The following IAH1 variants were observed in gnomAD, a reference collection of about 807,000 sequenced individuals.
IAH1 encodes isoamyl acetate hydrolyzing esterase 1 (putative).
IAH1 carries 24 observed loss-of-function variants against 26.7 expected under a neutral mutation model. That is an observed-to-expected ratio of 0.90 (90% CI 0.65 to 1.26). The LOEUF (loss-of-function observed/expected upper bound fraction) is 1.26, where lower values mean the gene tolerates loss of function less well. Among genes scored for constraint, IAH1 ranks in the 50% most tolerant of loss-of-function variants. The pLI, the probability that IAH1 is intolerant of heterozygous loss-of-function variation, is 0.00. For missense variants in IAH1, 300 were observed against 299.9 expected (o/e 1.00, Z 0.00); for synonymous variants, 140 against 118.5 (o/e 1.18, Z -1.18).
chr2:9,494,415 T>C (rs1662397510), downstream of IAH1, among the ~76,000 whole-genome samples: 2 of 152,122 alleles, frequency 1.3e-5, no homozygotes, highest in Non-Finnish European at 2.9e-5. Flanking sequence ...CCAGTCCTTC[T>C]CAGTCTCTGG....
chr2:9,510,213 A>G, the IAH1 span: 2 of 1,393,898 alleles, frequency 1.4e-6, no homozygotes, highest in Non-Finnish European at 2.0e-6. Context: ...TGCTGTCTTA[A>G]ATAGAGCCTT....
At chr2:9,510,500 C>A in the IAH1 span, among the ~76,000 whole-genome samples, 1 of 152,088 alleles carries the variant, frequency 6.6e-6, no homozygotes, top group African/African-American at 2.4e-5. Context: ...CCTGTCTCTA[C>A]TAAAAATACA....
In IAH1 at chr2:9,475,329, T is replaced by C. The variant is rs183263259; in HGVS notation, c.82-658T>C. Reference sequence around the variant, plus strand: ...TACGCCAGTAACTGGTAACATTATGTTTAGGCATATGGGGCAGTCAGAGCT... The same window carrying C: ...TACGCCAGTAACTGGTAACATTATGCTTAGGCATATGGGGCAGTCAGAGCT... On this transcript the variant is annotated intron_variant, in intron 1 of 5. Transcript: ENST00000497473. The C allele has an allele frequency of 6.7e-4, 418 of 623,742 alleles. 3 individuals carry two copies. In the African/African-American group the frequency reaches 6.8e-3, roughly 10 times the overall value. 38.6% of individuals were successfully genotyped at this position (623,742 alleles called of 1,614,324 possible). A position where few individuals can be genotyped will look rare whatever the true frequency, so the allele number is the denominator to read the frequency against.
At chr2:9,490,105 G>T, downstream of IAH1, 1 of 1,327,800 alleles carries the variant, frequency 7.5e-7, no homozygotes, top group Non-Finnish European at 1.0e-6. Flanking sequence ...CAAAATACAA[G>T]CTGTGATTGA....
intron 2 of IAH1, among the ~76,000 whole-genome samples, chr2:9,476,683 A>T (rs1660812076): frequency 6.6e-6 from 1 of 152,202 alleles, no homozygotes; most frequent in South Asian, 2.1e-4. Context: ...GGGGGTCACA[A>T]GGTGCTCTGT....
intron 4 of IAH1, 99 bp downstream of exon 4, chr2:9,481,546 A>T: frequency 8.8e-7 from 1 of 1,138,790 alleles, no homozygotes; most frequent in Non-Finnish European, 1.3e-6. Context: ...TCTGTTTCTT[A>T]GGGGCTCGGT....
the IAH1 span, among the ~76,000 whole-genome samples, chr2:9,504,763 G>GAAA: frequency 1.7e-5 from 2 of 117,790 alleles, no homozygotes; most frequent in South Asian, 5.5e-4. Context: ...TCTGTCTCAG[G>GAAA]AAAAAAAAAA....
At position 9,478,213 on chromosome 2, in the gene IAH1, T is replaced by C. The variant is rs1231306498; in HGVS notation, c.135-9T>C. On this transcript the variant is annotated splice_polypyrimidine_tract_variant and intron_variant, in intron 2 of 5. Transcript: ENST00000497473. ...CCACAATTCATCTTTTTAAAATTTT[T>C]CGTTTCAGAAAATGTGATGTTCTGA... 2 of 1,589,528 alleles carry C rather than the reference T, an allele frequency of 1.3e-6. No individual in the cohort carries two copies. The highest frequency in any genetic ancestry group is 1.1e-5 in the South Asian group (1 of 87,502).
chr2:9,489,290 G>C lies in IAH1; in HGVS notation c.*961G>C, dbSNP rs1243364152. On this transcript the variant is annotated 3_prime_UTR_variant, in exon 6 of 6. Coordinates refer to ENST00000497473, the MANE Select transcript of IAH1 (RefSeq NM_001039613.3). ...TTTTTTTTTTTTTTTTTTTGAGGCA[G>C]AGTCTCACTCTGTCACCCAGGCTGG... 1 of 115,742 alleles carries C rather than the reference G, an allele frequency of 8.6e-6. No homozygotes were observed. The highest frequency in any genetic ancestry group is 8.7e-5 in the Admixed American group (1 of 11,558). The allele number at this position is 115,742 out of a possible 1,614,324, so 7.2% of individuals were successfully genotyped here.
chr2:9,474,963 C>T lies in IAH1; in HGVS notation c.81+316C>T, dbSNP rs1682392287. 1 of 1,069,916 alleles carries T rather than the reference C, an allele frequency of 9.3e-7. No homozygotes were observed. The highest frequency in any genetic ancestry group is 1.2e-6 in the Non-Finnish European group (1 of 868,032). The allele number at this position is 1,069,916 out of a possible 1,614,324, so 66.3% of individuals were successfully genotyped here. A position where few individuals can be genotyped will look rare whatever the true frequency, so the allele number is the denominator to read the frequency against. Reference sequence around the variant, plus strand: ...TGCGCGGTCTTCCCCTCAGCGCCCTCCTGGGCAGCGGCCTTTCCCCTCCGG... The same window carrying T: ...TGCGCGGTCTTCCCCTCAGCGCCCTTCTGGGCAGCGGCCTTTCCCCTCCGG... On this transcript the variant is annotated intron_variant, in intron 1 of 5. Coordinates refer to ENST00000497473, the MANE Select transcript of IAH1 (RefSeq NM_001039613.3). This position sits in a 1 kb window ranked among gnomAD's most constrained non-coding sequence, Gnocchi z 4.3.
intron 3 of IAH1, among the ~76,000 whole-genome samples, chr2:9,479,777 G>A (rs549992705): frequency 5.8e-4 from 84 of 145,122 alleles, no homozygotes; most frequent in Non-Finnish European, 8.9e-4. Flanking sequence ...ATGTGTGTGC[G>A]GAGATTTCTG....
downstream of IAH1, among the ~76,000 whole-genome samples, chr2:9,493,991 T>C (rs1361713969): frequency 1.3e-5 from 2 of 152,304 alleles, no homozygotes; most frequent in Non-Finnish European, 2.9e-5. Context: ...CCCAAGAAAG[T>C]AGAACATCTG....
rs187368727 is a variant in IAH1 at position 9,484,271 on chromosome 2, C to T, written c.446-161C>T. 2.6e-5 allele frequency among the ~76,000 whole-genome samples: 4 copies of T among 152,336 alleles called. No homozygotes were observed. In the East Asian group the frequency reaches 7.7e-4, roughly 29 times the overall value. On this transcript the variant is annotated intron_variant, in intron 4 of 5. Transcript: ENST00000497473. ...GCTGGGTAGAGCAGCACACCAGTAA[C>T]CTGCAAGGCTCATCAACATATACCC...
the IAH1 span, among the ~76,000 whole-genome samples, chr2:9,509,213 G>C: frequency 4.3e-4 from 66 of 152,110 alleles, no homozygotes; most frequent in African/African-American, 1.6e-3. Flanking sequence ...TCTCCCCACC[G>C]ACCCTCTTTA....
Position 9,476,007 on chromosome 2 carries a change from A to G in IAH1, c.102A>G (p.Gly34=). Residue 34 remains glycine (G), a synonymous_variant, in exon 2 of 6, where the codon GGA becomes GGG. Transcript: ENST00000497473. The part of the protein sequence containing the change: ...SITQFSFQQG[G]WGASLADRLV... ...TCCAGTTTTCCTTCCAGCAGGGTGG[A>G]TGGGGAGCATCGCTGGCTGACAGGC... The G allele has an allele frequency of 6.2e-7, 1 of 1,613,750 alleles. No homozygotes were observed. Among genetic ancestry groups the G allele is most frequent in the East Asian group, 2.2e-5 (1 of 44,882 alleles).
At chr2:9,492,977 A>G (rs756429621), downstream of IAH1, 33 of 1,610,368 alleles carry the variant, frequency 2.0e-5, no homozygotes, top group Middle Eastern at 1.7e-4. Context: ...GTTGTCTGCT[A>G]AAAACTTTCC....
chr2:9,493,842 T>C, downstream of IAH1: 2 of 1,599,618 alleles, frequency 1.3e-6, no homozygotes, highest in Non-Finnish European at 1.7e-6. Context: ...AGAAAAAACA[T>C]ACATACAGCA....
downstream of IAH1, among the ~76,000 whole-genome samples, chr2:9,490,769 C>CTAA (rs1662068877): frequency 6.6e-6 from 1 of 152,174 alleles, no homozygotes; most frequent in Non-Finnish European, 1.5e-5. Flanking sequence ...AACTTACTTA[C>CTAA]CATTTGAAGA....
At chr2:9,501,844 T>A in the IAH1 span, among the ~76,000 whole-genome samples, 2 of 152,130 alleles carry the variant, frequency 1.3e-5, no homozygotes, top group Non-Finnish European at 2.9e-5. Context: ...TAAGGTAGAA[T>A]ATCATTTTGG....
Sources: gnomAD v4.1 joint callset for allele counts (sites outside exome capture counted in the v4.1 genomes callset) on GRCh38, gnomAD v4.1.1 for gene constraint, Gnocchi (gnomAD v3.1) non-coding constraint, MANE v1.5 for transcripts, NCBI Gene and HGNC (gene_info 2026-07-23, HGNC 2026-07-21) for gene names.